Variants in NT5E observed in about 807,000 individuals in gnomAD.
The protein encoded by NT5E is 5'-nucleotidase ecto.
In NT5E, 53 loss-of-function variants were observed where a neutral mutation model predicts 55.1. That is an observed-to-expected ratio of 0.96 (90% confidence interval 0.77 to 1.21). The LOEUF (loss-of-function observed/expected upper bound fraction) is 1.21. NT5E is among the 50% of genes most tolerant of loss of function. The pLI is 0.00. For synonymous variants in NT5E, 270 were observed against 278.4 expected, an observed-to-expected ratio of 0.97 and a Z score of 0.30; for missense variants, 683 against 724.3, an observed-to-expected ratio of 0.94 and a Z score of 0.65.
At chr6:85,452,560 G>A (rs573153098) in intron 1 of NT5E, among the ~76,000 whole-genome samples, 13 of 152,240 alleles carry the variant, frequency 8.5e-5, no homozygotes, top group South Asian at 4.2e-4. Flanking sequence ...GGCTACTTAC[G>A]TAATGTTGGC....
chr6:85,457,235 T>C (rs1054334346), intron 1 of NT5E, among the ~76,000 whole-genome samples: 3 of 152,334 alleles, frequency 2.0e-5, no homozygotes, highest in East Asian at 3.9e-4. Flanking sequence ...ACCATTGGAC[T>C]GTACAGGGCT....
chr6:85,460,154 G>T (rs1163898592), intron 1 of NT5E, among the ~76,000 whole-genome samples: 1 of 152,074 alleles, frequency 6.6e-6, no homozygotes, highest in Non-Finnish European at 1.5e-5. Flanking sequence ...AATTAAACGG[G>T]TACTCACCCA....
chr6:85,491,544 G>T (rs181546076), intron 7 of NT5E, among the ~76,000 whole-genome samples: 440 of 152,334 alleles, frequency 2.9e-3, no homozygotes, highest in Non-Finnish European at 5.2e-3. Context: ...CTCTAGCAAA[G>T]CACTGCATAG....
At chr6:85,467,661 A>T (rs761233581) in intron 2 of NT5E, among the ~76,000 whole-genome samples, 5 of 152,178 alleles carry the variant, frequency 3.3e-5, no homozygotes, top group Admixed American at 6.5e-5. Flanking sequence ...GTTTTACCTC[A>T]ATTTACCTTA....
chr6:85,463,199 C>T (rs933103038), intron 1 of NT5E, among the ~76,000 whole-genome samples: 9 of 152,268 alleles, frequency 5.9e-5, no homozygotes, highest in African/African-American at 2.2e-4. Flanking sequence ...TACTGAAGAT[C>T]ATTTTGCTGG....
At chr6:85,482,201 G>GA (rs1769563128) in intron 3 of NT5E, among the ~76,000 whole-genome samples, 1 of 152,164 alleles carries the variant, frequency 6.6e-6, no homozygotes, top group South Asian at 2.1e-4. Flanking sequence ...TCAGTCCATT[G>GA]AAAACCACAT....
chr6:85,487,828 C>A (rs1301333948), intron 5 of NT5E, among the ~76,000 whole-genome samples: 1 of 152,126 alleles, frequency 6.6e-6, no homozygotes, highest in African/African-American at 2.4e-5. Flanking sequence ...TACTCAGTAC[C>A]TTCTTAAGGT....
Position 85,457,305 on chromosome 6 carries a change from C to T in NT5E, c.339+6827C>T, listed in dbSNP as rs182730460. Among the ~76,000 whole-genome samples, 191 of 152,296 alleles carry T rather than the reference C, an allele frequency of 1.3e-3. 1 individual carries two copies. The highest frequency in any genetic ancestry group is 4.3e-3 in the African/African-American group (179 of 41,574). On this transcript the variant is annotated intron_variant, in intron 1 of 8. Transcript: ENST00000257770. ...GGGACGTCAGAACACCCAGATTTTA[C>T]TTCTTGGCTCTTCCACTTACTAGCT...
chr6:85,480,471 G>GA (rs1769522924), intron 3 of NT5E, among the ~76,000 whole-genome samples: 2 of 152,164 alleles, frequency 1.3e-5, no homozygotes, highest in South Asian at 4.1e-4. Flanking sequence ...CTGGTTGCTG[G>GA]ACACCTTTTG....
chr6:85,452,184 C>T (rs1470225883), intron 1 of NT5E, among the ~76,000 whole-genome samples: 1 of 152,236 alleles, frequency 6.6e-6, no homozygotes, highest in African/African-American at 2.4e-5. Context: ...TCTCCACTTC[C>T]TCCCAGAAGG....
In NT5E at chr6:85,450,616, A is replaced by G. The variant is rs1380099297; in HGVS notation, c.339+138A>G. The G allele has an allele frequency of 1.2e-6, 1 of 801,062 alleles. No homozygotes were observed. The highest frequency in any genetic ancestry group is 2.0e-5 in the Admixed American group (1 of 48,798). 49.6% of individuals were successfully genotyped at this position (801,062 alleles called of 1,614,324 possible). On this transcript the variant is annotated intron_variant, in intron 1 of 8. Coordinates refer to ENST00000257770, the MANE Select transcript of NT5E (RefSeq NM_002526.4). The surrounding 1 kb of genome is among the most constrained non-coding windows in gnomAD (Gnocchi z 4.0). ...GTGGGGATAAAGTGAGACTCCGGCC[A>G]GTGTGCCAGCTGGATGCATAGAAGT...
At chr6:85,484,271 A>T (rs1157064821) in intron 3 of NT5E, among the ~76,000 whole-genome samples, 1 of 152,218 alleles carries the variant, frequency 6.6e-6, no homozygotes, top group African/African-American at 2.4e-5. Flanking sequence ...GAAACAGCTG[A>T]ACTGTGCCAT....
chr6:85,459,111 A>T (rs1769044245), intron 1 of NT5E, among the ~76,000 whole-genome samples: 1 of 152,118 alleles, frequency 6.6e-6, no homozygotes, highest in Non-Finnish European at 1.5e-5. Context: ...TCATATAGTA[A>T]ATCAGGCTGT....
Position 85,490,589 on chromosome 6 carries a change from T to C in NT5E, c.1292T>C (p.Leu431Pro). 1 of 1,614,210 alleles carries C rather than the reference T, an allele frequency of 6.2e-7. No homozygotes were observed. Among genetic ancestry groups the C allele is most frequent in the East Asian group, 2.2e-5 (1 of 44,886 alleles). ...CTAGTCCAGTTAAAAGGTTCCACCC[T>C]GAAGAAGGCCTTTGAGCATAGCGTG... ...FDLVQLKGST[L>P]KKAFEHSVHR... The change falls in exon 7 of 9, where the codon CTG becomes CCG. Residue 431 changes from leucine to proline, a missense_variant. Physicochemically the swap from Leu to Pro is moderately conservative, Grantham distance 98 (BLOSUM62 -3). Transcript: ENST00000257770.
At chr6:85,464,050 T>C (rs1237754723) in intron 1 of NT5E, among the ~76,000 whole-genome samples, 1 of 150,398 alleles carries the variant, frequency 6.6e-6, no homozygotes, top group African/African-American at 2.4e-5. Flanking sequence ...ATACATTTGC[T>C]GTGCAAGTAG....
At chr6:85,490,235 A>G (rs1769754014) in intron 6 of NT5E, among the ~76,000 whole-genome samples, 1 of 152,166 alleles carries the variant, frequency 6.6e-6, no homozygotes, top group Non-Finnish European at 1.5e-5. Flanking sequence ...ATCCAGCCCC[A>G]AGCTAGCAGA....
At chr6:85,492,790 G>C (rs1769813260) in intron 8 of NT5E, among the ~76,000 whole-genome samples, 1 of 152,188 alleles carries the variant, frequency 6.6e-6, no homozygotes, top group Non-Finnish European at 1.5e-5. Flanking sequence ...TCTTCCTAGG[G>C]CAGAGACCAG....
Position 85,450,867 on chromosome 6 carries a change from TG to T in NT5E, c.339+390del, listed in dbSNP as rs1304130270. On this transcript the variant is annotated intron_variant, in intron 1 of 8. Coordinates refer to ENST00000257770, the MANE Select transcript of NT5E (RefSeq NM_002526.4). This position sits in a 1 kb window ranked among gnomAD's most constrained non-coding sequence, Gnocchi z 4.0. The stretch of plus-strand genomic sequence containing the variant: ...ATCTCAATCTAGATCTTTCGAAAAA[TG>T]CTTTATCTCAATCTTATTGAAAGGG... Among the ~76,000 whole-genome samples, 7 of 152,330 alleles carry T rather than the reference TG, an allele frequency of 4.6e-5. No individual in the cohort carries two copies. In the East Asian group the frequency reaches 1.4e-3, roughly 29 times the overall value.
rs1243510632 is a variant in NT5E at position 85,494,558 on chromosome 6, A to G, written c.*554A>G. On this transcript the variant is annotated 3_prime_UTR_variant, in exon 9 of 9. Coordinates refer to ENST00000257770, the MANE Select transcript of NT5E (RefSeq NM_002526.4). ...CCAGCATTCTCAACTATATCAAGTT[A>G]CTGTTCAGAATACTTAATATCTCCT... 1.3e-5 allele frequency: 2 copies of G among 158,096 alleles called. No individual in the cohort carries two copies. The highest frequency in any genetic ancestry group is 2.8e-5 in the Non-Finnish European group (2 of 71,406). The allele number at this position is 158,096 out of a possible 1,614,324, so 9.8% of individuals were successfully genotyped here. A position where few individuals can be genotyped will look rare whatever the true frequency, so the allele number is the denominator to read the frequency against.
Sources: allele counts gnomAD v4.1 joint callset (sites outside exome capture counted in the v4.1 genomes callset), GRCh38; gene constraint gnomAD v4.1.1; non-coding constraint Gnocchi (gnomAD v3.1); transcripts MANE v1.5; gene names NCBI Gene and HGNC (gene_info 2026-07-23, HGNC 2026-07-21).